The following NCOA1 variants were observed in gnomAD, a reference collection of about 807,000 sequenced individuals.
The protein encoded by NCOA1 is nuclear receptor coactivator 1.
Under a neutral mutation model 150.9 loss-of-function variants are expected in NCOA1, and 35 were observed. That is an observed-to-expected ratio of 0.23 (90% CI 0.18 to 0.31). NCOA1 has a LOEUF of 0.31. Ranked by LOEUF, NCOA1 falls within the 10% of genes least tolerant of loss-of-function variation. NCOA1 has a pLI of 1.00. For missense variants in NCOA1, 1,491 were observed against 1,749.3 expected, an observed-to-expected ratio of 0.85 and a Z score of 2.63; for synonymous variants, 590 against 630.0, an observed-to-expected ratio of 0.94 and a Z score of 0.95.
rs181760220 is a variant in NCOA1 at position 24,731,847 on chromosome 2, C to T, written c.3201+2032C>T. Among the ~76,000 whole-genome samples, 295 of 152,244 alleles carry T rather than the reference C, an allele frequency of 1.9e-3. 1 individual carries two copies. Among genetic ancestry groups the T allele is most frequent in the Admixed American group, 6.5e-3 (99 of 15,294 alleles). On this transcript the variant is annotated intron_variant, in intron 17 of 22. Coordinates refer to ENST00000348332, the MANE Select transcript of NCOA1 (RefSeq NM_003743.5). The stretch of plus-strand genomic sequence containing the variant: ...ATATTTAAGGGGACTACACTAGGTA[C>T]TATAAGGAATACAAGGAATAAAAGA...
intron 17 of NCOA1, among the ~76,000 whole-genome samples, chr2:24,737,960 A>C (rs892560161): frequency 6.6e-6 from 1 of 152,186 alleles, no homozygotes; most frequent in Non-Finnish European, 1.5e-5. Context: ...GAAGTATATC[A>C]GTTTTGGTAT....
intron 1 of NCOA1, among the ~76,000 whole-genome samples, chr2:24,529,959 T>A (rs552084842): frequency 1.8e-4 from 27 of 152,362 alleles, no homozygotes; most frequent in African/African-American, 4.6e-4. Context: ...TCAATTTTTT[T>A]AAATAAATTT....
At chr2:24,738,501 G>C (rs889005920) in intron 17 of NCOA1, among the ~76,000 whole-genome samples, 21 of 152,050 alleles carry the variant, frequency 1.4e-4, no homozygotes, top group Non-Finnish European at 4.4e-5. Flanking sequence ...CTATGACCTG[G>C]AACCCTAATC....
At chr2:24,638,519 A>G (rs1670043073) in intron 3 of NCOA1, among the ~76,000 whole-genome samples, 1 of 152,100 alleles carries the variant, frequency 6.6e-6, no homozygotes, top group South Asian at 2.1e-4. Flanking sequence ...TTGCTGGATT[A>G]TATGGTAGTT....
intron 19 of NCOA1, among the ~76,000 whole-genome samples, chr2:24,747,747 G>A (rs975387622): frequency 1.3e-5 from 2 of 152,042 alleles, no homozygotes; most frequent in Non-Finnish European, 2.9e-5. Flanking sequence ...TTAATGCAAA[G>A]ACATTAGAAG....
Position 24,768,338 on chromosome 2 carries a change from C to G in NCOA1, c.4273C>G (p.Gln1425Glu), listed in dbSNP as rs1388739963. 6.2e-7 allele frequency: 1 copy of G among 1,613,700 alleles called. No individual in the cohort carries two copies. The highest frequency in any genetic ancestry group is 1.3e-5 in the African/African-American group (1 of 74,870). Residue 1425 changes from glutamine (Q) to glutamate (E), a missense_variant, in exon 23 of 23, where the codon CAG (glutamine) becomes GAG (glutamate). Transcript: ENST00000348332. ...LGTQKPTSGP[Q>E]TPQAQQKSLL... ...AACTCAAAAGCCCACGTCAGGACCA[C>G]AGACCCCCCAGGCCCAGCAGAAGAG...
intron 3 of NCOA1, among the ~76,000 whole-genome samples, chr2:24,643,220 CTG>C (rs1433194271): frequency 6.6e-6 from 1 of 152,194 alleles, no homozygotes; most frequent in Non-Finnish European, 1.5e-5. Context: ...GCCAATAAGA[CTG>C]TGGTTTTCTC....
At chr2:24,724,505 A>G (rs1674513632) in intron 14 of NCOA1, among the ~76,000 whole-genome samples, 1 of 152,120 alleles carries the variant, frequency 6.6e-6, no homozygotes, top group Non-Finnish European at 1.5e-5. Context: ...TATCCAAACA[A>G]AACTTTTTTT....
At chr2:24,558,585 TC>T (rs1320255545) in intron 1 of NCOA1, among the ~76,000 whole-genome samples, 1 of 152,146 alleles carries the variant, frequency 6.6e-6, no homozygotes, top group African/African-American at 2.4e-5. Context: ...CCTGGGTCCC[TC>T]CCACAACATG....
At chr2:24,690,762 C>G (rs1039380589) in intron 8 of NCOA1, among the ~76,000 whole-genome samples, 1 of 150,822 alleles carries the variant, frequency 6.6e-6, no homozygotes, top group South Asian at 2.1e-4. Context: ...AGCTACCACA[C>G]GTGGTTTTTA....
At chr2:24,579,877 A>T (rs193095299) in intron 2 of NCOA1, among the ~76,000 whole-genome samples, 1 of 152,344 alleles carries the variant, frequency 6.6e-6, no homozygotes, top group African/African-American at 2.4e-5. Context: ...TCCCGCTGCC[A>T]ACCAGAAAGT....
At chr2:24,681,710 C>CTTT (rs1291429104) in intron 7 of NCOA1, among the ~76,000 whole-genome samples, 1 of 141,998 alleles carries the variant, frequency 7.0e-6, no homozygotes, top group Non-Finnish European at 1.5e-5. Context: ...GTACCCTGGC[C>CTTT]TTTTTTTTTT....
At chr2:24,713,298 C>T (rs1442922895) in intron 14 of NCOA1, among the ~76,000 whole-genome samples, 1 of 151,346 alleles carries the variant, frequency 6.6e-6, no homozygotes, top group Non-Finnish European at 1.5e-5. Context: ...AAGAATTACA[C>T]AAACAAGGGT....
intron 20 of NCOA1, among the ~76,000 whole-genome samples, chr2:24,755,853 C>T (rs748498055): frequency 2.0e-5 from 3 of 152,180 alleles, no homozygotes; most frequent in African/African-American, 4.8e-5. Flanking sequence ...CATGCATTAA[C>T]TTACATAGCC....
chr2:24,746,785 A>T (rs777459702), intron 19 of NCOA1, among the ~76,000 whole-genome samples: 27 of 152,200 alleles, frequency 1.8e-4, no homozygotes, highest in African/African-American at 2.4e-4. Context: ...AATGGTGGGT[A>T]CATATCATTA....
chr2:24,733,554 C>T (rs146526474), intron 17 of NCOA1, among the ~76,000 whole-genome samples: 13 of 151,354 alleles, frequency 8.6e-5, no homozygotes, highest in Admixed American at 1.3e-4. Context: ...GACCACCCTG[C>T]GCAACATGGT....
At chr2:24,589,587 C>G (rs1667558735) in intron 3 of NCOA1, among the ~76,000 whole-genome samples, 1 of 151,776 alleles carries the variant, frequency 6.6e-6, no homozygotes, top group South Asian at 2.1e-4. Context: ...GTGGCTATCT[C>G]CAGCTTCTGT....
Position 24,631,571 on chromosome 2 carries a change from G to A in NCOA1, c.-174-12395G>A, listed in dbSNP as rs531784963. 9.6e-4 allele frequency among the ~76,000 whole-genome samples: 146 copies of A among 152,216 alleles called. 1 individual carries two copies. Among genetic ancestry groups the A allele is most frequent in the African/African-American group, 3.4e-3 (141 of 41,530 alleles). ...TGTTTTTTTACTTCCTTACAAGAGA[G>A]AACATTAAGCGATACTTAGATAAAA... On this transcript the variant is annotated intron_variant, in intron 3 of 22. Coordinates refer to ENST00000348332, the MANE Select transcript of NCOA1 (RefSeq NM_003743.5).
chr2:24,507,251 C>T lies in NCOA1; in HGVS notation c.-396+15649C>T, dbSNP rs2148094038. Among the ~76,000 whole-genome samples the T allele has an allele frequency of 2.6e-5, 4 of 152,222 alleles. 1 individual carries two copies. Among genetic ancestry groups the T allele is most frequent in the Admixed American group, 2.6e-4 (4 of 15,294 alleles). ...CAGATTTCCTAAGCTTGAATTCTGGCTCTCTCTGCTACTGCCTAGTTGTTG... is the reference window on the plus strand; with the variant it reads ...CAGATTTCCTAAGCTTGAATTCTGGTTCTCTCTGCTACTGCCTAGTTGTTG... On this transcript the variant is annotated intron_variant, in intron 1 of 22. Coordinates refer to ENST00000348332, the MANE Select transcript of NCOA1 (RefSeq NM_003743.5).
Sources: allele counts gnomAD v4.1 joint callset (sites outside exome capture counted in the v4.1 genomes callset), GRCh38; gene constraint gnomAD v4.1.1; transcripts MANE v1.5; gene names NCBI Gene and HGNC (gene_info 2026-07-23, HGNC 2026-07-21).